ASCC3: variants seen among roughly 807,000 people sequenced by gnomAD.
ASCC3 encodes activating signal cointegrator 1 complex subunit 3.
A neutral mutation model predicts 256.3 loss-of-function variants in ASCC3; 158 were observed. The ratio of observed to expected loss-of-function variants is 0.62; its 90% CI spans 0.54 to 0.70. ASCC3 has a LOEUF of 0.70. Among genes scored for constraint, ASCC3 ranks in the 30% least tolerant of loss-of-function variants. The pLI, the probability that ASCC3 is intolerant of heterozygous loss-of-function variation, is 0.00. For synonymous variants in ASCC3, 948 were observed against 883.4 expected, an observed-to-expected ratio of 1.07 and a Z score of -1.30; for missense variants, 2,259 against 2,626.0, an observed-to-expected ratio of 0.86 and a Z score of 3.05.
intron 39 of ASCC3, among the ~76,000 whole-genome samples, chr6:100,513,308 T>A (rs1157161820): frequency 6.6e-6 from 1 of 152,220 alleles, no homozygotes. Context: ...TTGTGATTCC[T>A]TTATTGTAAA....
intron 8 of ASCC3, among the ~76,000 whole-genome samples, chr6:100,785,637 C>T (rs1162422009): frequency 1.3e-5 from 2 of 152,076 alleles, no homozygotes; most frequent in Non-Finnish European, 2.9e-5. Flanking sequence ...GCCTTGAACT[C>T]CTAGGCCCAA....
At chr6:100,761,351 G>GGTGGCATGCGCCTGTAATCTCTGCTATT (rs1562278284) in intron 10 of ASCC3, among the ~76,000 whole-genome samples, 2 of 152,156 alleles carry the variant, frequency 1.3e-5, no homozygotes, top group African/African-American at 2.4e-5. Flanking sequence ...ACCGGGATGT[G>GGTGGCATGCGCCTGTAATCTCTGCTATT]GTGGCATGCG....
intron 4 of ASCC3, among the ~76,000 whole-genome samples, chr6:100,820,945 G>C (rs905732875): frequency 1.3e-5 from 2 of 152,150 alleles, no homozygotes; most frequent in African/African-American, 4.8e-5. Context: ...CACTAGAAAG[G>C]CTATAAAAAT....
At chr6:100,829,727 G>A (rs1034360101) in intron 4 of ASCC3, among the ~76,000 whole-genome samples, 5 of 152,198 alleles carry the variant, frequency 3.3e-5, no homozygotes. Flanking sequence ...CGAGGGCTGT[G>A]AGGAATGCCA....
At chr6:100,823,531 C>T (rs971697177) in intron 4 of ASCC3, among the ~76,000 whole-genome samples, 1 of 152,138 alleles carries the variant, frequency 6.6e-6, no homozygotes, top group Non-Finnish European at 1.5e-5. Flanking sequence ...GGACGGGCAA[C>T]ATGCTTTTCC....
intron 29 of ASCC3, 119 bp from the exon 30 acceptor site, chr6:100,625,453 T>C (rs1562177136): frequency 1.0e-5 from 12 of 1,195,052 alleles, no homozygotes; most frequent in Non-Finnish European, 1.5e-5. Context: ...GCATGAAATG[T>C]GGCATTATTG....
chr6:100,512,082 T>C (rs1176341414), intron 40 of ASCC3, among the ~76,000 whole-genome samples: 1 of 152,166 alleles, frequency 6.6e-6, no homozygotes, highest in Admixed American at 6.5e-5. Flanking sequence ...GAAAAGAGCA[T>C]AGTAATCTAA....
intron 30 of ASCC3, among the ~76,000 whole-genome samples, chr6:100,620,497 C>A (rs1253068234): frequency 6.6e-6 from 1 of 152,136 alleles, no homozygotes; most frequent in Non-Finnish European, 1.5e-5. Context: ...AATGAGAACA[C>A]ATATACTCTT....
intron 5 of ASCC3, 43 bp downstream of exon 5, chr6:100,805,717 A>T: frequency 6.3e-7 from 1 of 1,598,148 alleles, no homozygotes; most frequent in Non-Finnish European, 8.5e-7. Context: ...CTAACCAATG[A>T]ATATTTCCTT....
chr6:100,608,984 G>A (rs1229102961), intron 30 of ASCC3, among the ~76,000 whole-genome samples: 1 of 149,574 alleles, frequency 6.7e-6, no homozygotes, highest in African/African-American at 2.5e-5. Context: ...GGATGGTCTC[G>A]ATCTCCTGGC....
At chr6:100,653,269 C>A (rs1223278167) in intron 17 of ASCC3, among the ~76,000 whole-genome samples, 2 of 152,046 alleles carry the variant, frequency 1.3e-5, no homozygotes, top group Non-Finnish European at 2.9e-5. Flanking sequence ...AAATCATATT[C>A]CTACTTTATT....
At chr6:100,782,966 T>C (rs1158435311) in intron 8 of ASCC3, among the ~76,000 whole-genome samples, 1 of 151,864 alleles carries the variant, frequency 6.6e-6, no homozygotes, top group Non-Finnish European at 1.5e-5. Context: ...CTTCTCAGTA[T>C]GTAAAGGTTG....
Position 100,662,554 on chromosome 6 carries a change from G to C in ASCC3, c.2287-18C>G. On this transcript the variant is annotated intron_variant, in intron 14 of 41. Coordinates refer to ENST00000369162, the MANE Select transcript of ASCC3 (RefSeq NM_006828.4). ...CTTTGTACCTAGATACCAAGAAAGC[G>C]TAAGAGTATTATTTAGCATTTAAAA... 2 of 1,610,144 alleles carry C rather than the reference G, an allele frequency of 1.2e-6. No individual in the cohort carries two copies. Among genetic ancestry groups the C allele is most frequent in the Non-Finnish European group, 1.7e-6 (2 of 1,177,022 alleles).
intron 38 of ASCC3, among the ~76,000 whole-genome samples, chr6:100,517,613 T>A (rs1250530112): frequency 6.6e-6 from 1 of 152,208 alleles, no homozygotes; most frequent in African/African-American, 2.4e-5. Context: ...GGATTTCAGA[T>A]ATCTCAAATC....
rs925722293 is a variant in ASCC3, at chr6:100,702,554, T to C, written c.2151+12908A>G. Among the ~76,000 whole-genome samples the C allele has an allele frequency of 2.6e-5, 4 of 152,004 alleles. No homozygotes were observed. In the East Asian group the frequency reaches 5.8e-4, roughly 22 times the overall value. The stretch of plus-strand genomic sequence containing the variant: ...ATGTAAGGTAGTTCTATAAAGGTCA[T>C]AATTGGGATGGGATAAAACCACAAG... On this transcript the variant is annotated intron_variant, in intron 13 of 41. Transcript: ENST00000369162.
intron 4 of ASCC3, among the ~76,000 whole-genome samples, chr6:100,829,283 C>T (rs1319633843): frequency 2.0e-5 from 3 of 152,114 alleles, no homozygotes; most frequent in Non-Finnish European, 2.9e-5. Context: ...GAGCAGGGGG[C>T]GGCGCTCATG....
chr6:100,708,351 T>C lies in ASCC3; in HGVS notation c.2151+7111A>G, dbSNP rs149243128. Among the ~76,000 whole-genome samples, 1,277 of 152,316 alleles carry C rather than the reference T, an allele frequency of 8.4e-3. 14 individuals are homozygous for C. The highest frequency in any genetic ancestry group is 0.014 in the Non-Finnish European group (976 of 68,026). ...CATTTATCCATTAGAAATTTTAGGATGTTGAATTTGAATACTGCCCAGTTG... is the reference window on the plus strand; with the variant it reads ...CATTTATCCATTAGAAATTTTAGGACGTTGAATTTGAATACTGCCCAGTTG... On this transcript the variant is annotated intron_variant, in intron 13 of 41. Coordinates refer to ENST00000369162, the MANE Select transcript of ASCC3 (RefSeq NM_006828.4).
intron 13 of ASCC3, among the ~76,000 whole-genome samples, chr6:100,681,335 T>C (rs1582686481): frequency 6.6e-6 from 1 of 152,190 alleles, no homozygotes; most frequent in South Asian, 2.1e-4. Context: ...TTTAATCAGC[T>C]AATTAGTTAC....
intron 36 of ASCC3, among the ~76,000 whole-genome samples, chr6:100,540,592 G>T (rs753792235): frequency 4.6e-5 from 7 of 152,068 alleles, no homozygotes; most frequent in Non-Finnish European, 7.4e-5. Context: ...ATTCATGAAT[G>T]TTCCTTTGTA....
Sources: allele counts gnomAD v4.1 joint callset (sites outside exome capture counted in the v4.1 genomes callset), GRCh38; gene constraint gnomAD v4.1.1; transcripts MANE v1.5; gene names NCBI Gene and HGNC (gene_info 2026-07-23, HGNC 2026-07-21).